The following SPOCK3 variants were observed in gnomAD, a reference collection of about 807,000 sequenced individuals.
The protein encoded by SPOCK3 is SPARC (osteonectin), cwcv and kazal like domains proteoglycan 3.
A neutral mutation model predicts 56.6 loss-of-function variants in SPOCK3; 30 were observed. The observed-to-expected ratio is 0.53, with a 90% CI of 0.40 to 0.72. SPOCK3 has a LOEUF of 0.72. Among genes scored for constraint, SPOCK3 ranks in the 30% least tolerant of loss-of-function variants. The pLI is 0.00. For synonymous variants in SPOCK3, 196 were observed against 183.3 expected, an observed-to-expected ratio of 1.07 and a Z score of -0.56; for missense variants, 527 against 530.0, an observed-to-expected ratio of 0.99 and a Z score of 0.06.
At chr4:167,075,395 C>G (rs1757092344) in intron 2 of SPOCK3, among the ~76,000 whole-genome samples, 1 of 151,926 alleles carries the variant, frequency 6.6e-6, no homozygotes, top group African/African-American at 2.4e-5. Flanking sequence ...CAGCACCAAT[C>G]TGTGGACCAT....
intron 6 of SPOCK3, among the ~76,000 whole-genome samples, chr4:166,847,182 AAGAC>A (rs1223256584): frequency 1.3e-5 from 2 of 152,142 alleles, no homozygotes; most frequent in Admixed American, 6.5e-5. Flanking sequence ...TGGAGGAAAT[AAGAC>A]AGATGTAAGT....
At chr4:167,140,387 A>T (rs971974303) in intron 2 of SPOCK3, among the ~76,000 whole-genome samples, 1 of 152,064 alleles carries the variant, frequency 6.6e-6, no homozygotes, top group African/African-American at 2.4e-5. Context: ...CAGTGTTATG[A>T]TGTGCATAGC....
At chr4:167,180,812 G>A (rs924546765) in intron 2 of SPOCK3, among the ~76,000 whole-genome samples, 3 of 152,036 alleles carry the variant, frequency 2.0e-5, no homozygotes, top group Admixed American at 6.6e-5. Context: ...CCATGTAAGA[G>A]AAAATATTTT....
chr4:166,887,832 A>T (rs1418497239), intron 6 of SPOCK3, among the ~76,000 whole-genome samples: 1 of 149,486 alleles, frequency 6.7e-6, no homozygotes, highest in Non-Finnish European at 1.5e-5. Flanking sequence ...CATGCAGCCA[A>T]ATACCACCTG....
intron 6 of SPOCK3, among the ~76,000 whole-genome samples, chr4:166,808,803 A>G (rs1387618278): frequency 6.6e-6 from 1 of 152,066 alleles, no homozygotes; most frequent in African/African-American, 2.4e-5. Flanking sequence ...TTGTCTATAA[A>G]GTCCTCATCT....
chr4:167,154,062 GT>G (rs1466872236), intron 2 of SPOCK3, among the ~76,000 whole-genome samples: 1 of 151,952 alleles, frequency 6.6e-6, no homozygotes, highest in African/African-American at 2.4e-5. Context: ...CACATATTTA[GT>G]TTTTCTGTTA....
At chr4:166,816,264 G>A (rs1579309463) in intron 6 of SPOCK3, among the ~76,000 whole-genome samples, 1 of 151,962 alleles carries the variant, frequency 6.6e-6, no homozygotes, top group African/African-American at 2.4e-5. Context: ...AAAATGAATA[G>A]GCTTTGTTCA....
rs1342359603 is a variant in SPOCK3, at chr4:167,160,135, GA to G, written c.189+73849del. Among the ~76,000 whole-genome samples, 13 of 152,226 alleles carry G rather than the reference GA, an allele frequency of 8.5e-5. No homozygotes were observed. The East Asian group carries it at 2.5e-3, about 29-fold the overall frequency. On this transcript the variant is annotated intron_variant, in intron 2 of 10. Transcript: ENST00000357545. ...TGCAGATGACATGATTGTATATTTA[GA>G]AAACCCCATTGTCTCAGCCCAAAAT...
At chr4:167,079,977 G>T (rs901236777) in intron 2 of SPOCK3, among the ~76,000 whole-genome samples, 1 of 151,954 alleles carries the variant, frequency 6.6e-6, no homozygotes, top group Non-Finnish European at 1.5e-5. Flanking sequence ...GCAGTGAGTA[G>T]AGTTTAAAAT....
intron 2 of SPOCK3, among the ~76,000 whole-genome samples, chr4:167,184,559 G>T (rs1731790807): frequency 1.3e-5 from 2 of 152,056 alleles, no homozygotes. Context: ...AGATTATATT[G>T]TCATCTCCAT....
chr4:167,067,212 G>T (rs1342489979), intron 2 of SPOCK3, among the ~76,000 whole-genome samples: 1 of 151,764 alleles, frequency 6.6e-6, no homozygotes, highest in African/African-American at 2.4e-5. Context: ...ATGAAGAGTG[G>T]TTTCGGCAAT....
intron 4 of SPOCK3, among the ~76,000 whole-genome samples, chr4:166,971,738 C>T (rs375682169): frequency 2.6e-5 from 4 of 152,080 alleles, no homozygotes; most frequent in South Asian, 2.1e-4. Context: ...GCATTCCCTA[C>T]GTATGTATTT....
At chr4:166,754,835 T>C (rs900408681) in intron 7 of SPOCK3, 106 bp from the exon 8 acceptor site, 19 of 958,650 alleles carry the variant, frequency 2.0e-5, no homozygotes, top group African/African-American at 4.9e-5. Flanking sequence ...ATCTAATGAA[T>C]AGTTAGAGAA....
At chr4:166,869,827 A>T (rs1205436630) in intron 6 of SPOCK3, among the ~76,000 whole-genome samples, 1 of 152,066 alleles carries the variant, frequency 6.6e-6, no homozygotes, top group African/African-American at 2.4e-5. Context: ...ATAGAGATAC[A>T]GCACCTCGGA....
intron 2 of SPOCK3, 35 bp downstream of exon 2, chr4:167,233,950 G>T (rs755034270): frequency 6.3e-7 from 1 of 1,587,006 alleles, no homozygotes; most frequent in Non-Finnish European, 8.6e-7. Context: ...AGCAGCGCGC[G>T]CGTGTGCCCG....
intron 6 of SPOCK3, among the ~76,000 whole-genome samples, chr4:166,842,564 A>G (rs191152335): frequency 2.0e-4 from 30 of 152,294 alleles, no homozygotes; most frequent in Admixed American, 2.0e-3. Flanking sequence ...ACCTTGAGCT[A>G]GACACAGAGT....
chr4:167,116,787 G>A (rs1761439510), intron 2 of SPOCK3, among the ~76,000 whole-genome samples: 1 of 130,310 alleles, frequency 7.7e-6, no homozygotes, highest in Admixed American at 8.0e-5. Flanking sequence ...ATATACATAT[G>A]TATATATACA....
intron 2 of SPOCK3, among the ~76,000 whole-genome samples, chr4:167,172,375 T>C (rs1356433183): frequency 6.6e-6 from 1 of 152,194 alleles, no homozygotes; most frequent in East Asian, 1.9e-4. Context: ...CCATTTTTCA[T>C]ACCCAACAGA....
chr4:167,008,100 A>C (rs1749643174), intron 3 of SPOCK3, among the ~76,000 whole-genome samples: 1 of 152,068 alleles, frequency 6.6e-6, no homozygotes, highest in African/African-American at 2.4e-5. Context: ...AACTATAAAT[A>C]TATTTATTTC....
Sources: allele counts gnomAD v4.1 joint callset (sites outside exome capture counted in the v4.1 genomes callset), GRCh38; gene constraint gnomAD v4.1.1; transcripts MANE v1.5; gene names NCBI Gene and HGNC (gene_info 2026-07-23, HGNC 2026-07-21).